Variants in PPP4R3B observed in about 807,000 individuals in gnomAD.
PPP4R3B encodes protein phosphatase 4 regulatory subunit 3B, also known as serine/threonine-protein phosphatase 4 regulatory subunit 3B.
A neutral mutation model predicts 95.4 loss-of-function variants in PPP4R3B; 52 were observed. The ratio of observed to expected loss-of-function variants is 0.54; its 90% CI spans 0.44 to 0.69. The LOEUF (loss-of-function observed/expected upper bound fraction) is 0.69. PPP4R3B is among the 30% of genes least tolerant of loss of function. PPP4R3B has a pLI of 0.00. For synonymous variants in PPP4R3B, 407 were observed against 343.9 expected, an observed-to-expected ratio of 1.18 and a Z score of -2.03; for missense variants, 1,003 against 1,005.9, an observed-to-expected ratio of 1.00 and a Z score of 0.04.
At chr2:55,615,671 T>C (rs892697012) in intron 1 of PPP4R3B, among the ~76,000 whole-genome samples, 165 bp from the exon 2 acceptor site, 18 of 151,976 alleles carry the variant, frequency 1.2e-4, no homozygotes, top group African/African-American at 3.6e-4. Flanking sequence ...CCAGCCAACA[T>C]GGTGAAACCG....
rs1684867207 is a variant in PPP4R3B, at chr2:55,547,741, G to T, written c.*2170C>A. Reference sequence around the variant, plus strand: ...GTTTAAGACCAGCCTGGCCAAGATGGTGAAACCCCGTCTCTACTGAAAATA... The same window carrying T: ...GTTTAAGACCAGCCTGGCCAAGATGTTGAAACCCCGTCTCTACTGAAAATA... On this transcript the variant is annotated 3_prime_UTR_variant, in exon 17 of 17. Coordinates refer to ENST00000616407, the MANE Select transcript of PPP4R3B (RefSeq NM_001122964.3). The T allele has an allele frequency of 6.6e-6, 1 of 152,324 alleles. No individual in the cohort carries two copies. Among genetic ancestry groups the T allele is most frequent in the Admixed American group, 6.5e-5 (1 of 15,288 alleles). The allele number at this position is 152,324 out of a possible 1,614,324, so 9.4% of individuals were successfully genotyped here. A position where few individuals can be genotyped will look rare whatever the true frequency, so the allele number is the denominator to read the frequency against.
chr2:55,598,691 C>T lies in PPP4R3B; in HGVS notation c.646G>A (p.Asp216Asn). 2 of 1,614,194 alleles carry T rather than the reference C, an allele frequency of 1.2e-6. No individual in the cohort carries two copies. The highest frequency in any genetic ancestry group is 1.7e-6 in the Non-Finnish European group (2 of 1,180,040). Residue 216 changes from aspartate to asparagine, a missense_variant, in exon 4 of 17, where the codon GAT (aspartate) becomes AAT (asparagine). Asp to Asn is a conservative substitution (Grantham distance 23, BLOSUM62 1). Transcript: ENST00000616407. ...KATLFEVMFS[D>N]ECIMDVVGCL... ...CCCACGACATCCATGATACACTCAT[C>T]AGAAAACATTACCTCAAAAAGAGTT...
At chr2:55,610,770 T>C (rs570225334) in intron 2 of PPP4R3B, among the ~76,000 whole-genome samples, 150 of 152,310 alleles carry the variant, frequency 9.8e-4, no homozygotes, top group Admixed American at 5.8e-3. Context: ...ATCTGTTTCA[T>C]CTGTTACATC....
intron 16 of PPP4R3B, among the ~76,000 whole-genome samples, chr2:55,550,821 C>G (rs1038424210): frequency 2.0e-5 from 3 of 152,018 alleles, no homozygotes; most frequent in African/African-American, 4.8e-5. Context: ...TCGGGTTTTA[C>G]CAGAATGTAA....
At chr2:55,568,758 A>G (rs761323752) in intron 12 of PPP4R3B, among the ~76,000 whole-genome samples, 4 of 152,228 alleles carry the variant, frequency 2.6e-5, no homozygotes, top group Admixed American at 6.5e-5. Flanking sequence ...GAGACAACGC[A>G]GTGAAGGCAG....
intron 10 of PPP4R3B, 73 bp downstream of exon 10, chr2:55,578,174 A>T (rs1688943509): frequency 8.0e-7 from 1 of 1,245,542 alleles, no homozygotes; most frequent in Non-Finnish European, 1.0e-6. Context: ...GAAAACAAGA[A>T]AAATAATACC....
chr2:55,575,971 A>T (rs1688609914), intron 11 of PPP4R3B, among the ~76,000 whole-genome samples: 1 of 152,226 alleles, frequency 6.6e-6, no homozygotes, highest in African/African-American at 2.4e-5. Flanking sequence ...TTTAAATGCA[A>T]GTAAAGAGTT....
At position 55,617,250 on chromosome 2, in the gene PPP4R3B, G is replaced by T; in HGVS notation, c.36C>A (p.Thr12=). 1 of 1,609,504 alleles carries T rather than the reference G, an allele frequency of 6.2e-7. No homozygotes were observed. Among genetic ancestry groups the T allele is most frequent in the South Asian group, 1.1e-5 (1 of 90,880 alleles). Residue 12 remains threonine, a synonymous_variant, in exon 1 of 17, where the codon ACC becomes ACA. Transcript: ENST00000616407. ...CGTCCCATTGCCGGTCTTCGTTCAG[G>T]GTATAGACCTTCACTCGCCGCCGCG... ...SDTRRRVKVY[T]LNEDRQWDDR... is the part of the protein sequence containing the mutation.
intron 14 of PPP4R3B, 96 bp downstream of exon 14, chr2:55,564,806 G>T (rs1426141814): frequency 4.1e-6 from 6 of 1,460,710 alleles, no homozygotes; most frequent in Non-Finnish European, 5.6e-6. Context: ...GTGATGGAAA[G>T]AAAATTCCTC....
intron 13 of PPP4R3B, among the ~76,000 whole-genome samples, chr2:55,567,345 C>G (rs1687441520): frequency 6.6e-6 from 1 of 152,186 alleles, no homozygotes; most frequent in South Asian, 2.1e-4. Context: ...GTCCATCTAA[C>G]TTCCTGATCT....
intron 13 of PPP4R3B, 29 bp downstream of exon 13, chr2:55,568,165 A>G: frequency 7.2e-7 from 1 of 1,385,926 alleles, no homozygotes; most frequent in Non-Finnish European, 9.5e-7. Flanking sequence ...ATAATTACAT[A>G]TAATAACAGC....
intron 2 of PPP4R3B, among the ~76,000 whole-genome samples, chr2:55,610,167 A>G (rs1267635318): frequency 6.6e-6 from 1 of 152,146 alleles, no homozygotes; most frequent in African/African-American, 2.4e-5. Context: ...CTTTCTGGAA[A>G]ATATACTGGA....
At chr2:55,556,628 G>C (rs1685875441) in intron 16 of PPP4R3B, among the ~76,000 whole-genome samples, 1 of 138,488 alleles carries the variant, frequency 7.2e-6, no homozygotes, top group African/African-American at 3.0e-5. Context: ...GTATTACTTT[G>C]ATTTAAAAAA....
At chr2:55,587,562 C>T (rs1690318086) in intron 5 of PPP4R3B, among the ~76,000 whole-genome samples, 2 of 152,158 alleles carry the variant, frequency 1.3e-5, no homozygotes, top group South Asian at 4.1e-4. Flanking sequence ...CCAGTCTGGG[C>T]AACAGAGCAA....
intron 16 of PPP4R3B, among the ~76,000 whole-genome samples, chr2:55,550,410 G>A (rs939364928): frequency 2.0e-5 from 3 of 152,144 alleles, no homozygotes; most frequent in Non-Finnish European, 4.4e-5. Flanking sequence ...TTCATCTTGT[G>A]TATATTTCAT....
At chr2:55,562,100 T>G (rs1161433606) in intron 15 of PPP4R3B, among the ~76,000 whole-genome samples, 1 of 152,060 alleles carries the variant, frequency 6.6e-6, no homozygotes, top group South Asian at 2.1e-4. Context: ...TGATAGTGAG[T>G]TCTCACGAGA....
chr2:55,560,778 GAAAAAAAAAA>G (rs545517387), intron 15 of PPP4R3B, among the ~76,000 whole-genome samples: 58 of 91,418 alleles, frequency 6.3e-4, no homozygotes, highest in African/African-American at 2.2e-3. Flanking sequence ...CTCCATCTCA[GAAAAAAAAAA>G]AAAAAAAAAA....
At chr2:55,569,296 T>C (rs972325876) in intron 12 of PPP4R3B, among the ~76,000 whole-genome samples, 4 of 152,028 alleles carry the variant, frequency 2.6e-5, no homozygotes, top group Non-Finnish European at 5.9e-5. Flanking sequence ...CACCTGCTAC[T>C]TAGCAGACCG....
In PPP4R3B at chr2:55,585,065, G is replaced by C. The variant is rs61762670; in HGVS notation, c.1219C>G (p.Gln407Glu). ...MVREFVMQEAQQSDDDILLIN... is the reference protein window; with the variant it reads ...MVREFVMQEAEQSDDDILLIN... The stretch of plus-strand genomic sequence containing the variant: ...TTATTACTTACGTCATCACTCTGCT[G>C]AGCTTCTTGCATTACAAACTCTCGG... The change falls in exon 7 of 17, where the codon CAG (glutamine) becomes GAG (glutamate). Residue 407 changes from glutamine (Q) to glutamate (E), a missense_variant. This residue lies in a region of PPP4R3B where 695 missense variants were observed against 686.2 expected (regional missense o/e 1.01). Coordinates refer to ENST00000616407, the MANE Select transcript of PPP4R3B (RefSeq NM_001122964.3). The C allele has an allele frequency of 9.6e-3, 15,381 of 1,610,208 alleles. 101 individuals are homozygous for C. The highest frequency in any genetic ancestry group is 0.011 in the Non-Finnish European group (13,189 of 1,178,028).
Sources: allele counts gnomAD v4.1 joint callset (sites outside exome capture counted in the v4.1 genomes callset), GRCh38; gene constraint gnomAD v4.1.1; regional missense constraint gnomAD v4.1.1; transcripts MANE v1.5; gene names NCBI Gene and HGNC (gene_info 2026-07-23, HGNC 2026-07-21).